Variants in DNAJC15 observed in about 807,000 individuals in gnomAD.
DNAJC15 encodes dnaJ homolog subfamily C member 15.
A neutral mutation model predicts 22.4 loss-of-function variants in DNAJC15; 27 were observed. The observed-to-expected ratio is 1.20, with a 90% CI of 0.89 to 1.66. The LOEUF (loss-of-function observed/expected upper bound fraction) is 1.66. Ranked by LOEUF, DNAJC15 falls within the 40% of genes most tolerant of loss-of-function variation. The pLI is 0.00. For synonymous variants in DNAJC15, 79 were observed against 63.2 expected (o/e 1.25, Z -1.19); for missense variants, 208 against 187.1 (o/e 1.11, Z -0.65).
intron 3 of DNAJC15, among the ~76,000 whole-genome samples, chr13:43,075,620 A>C (rs2040629897): frequency 6.7e-6 from 1 of 148,800 alleles, no homozygotes; most frequent in African/African-American, 2.5e-5. Flanking sequence ...ATCTAGTAAA[A>C]ATTTTGGTTT....
At chr13:43,078,316 G>A (rs1249341312) in intron 3 of DNAJC15, among the ~76,000 whole-genome samples, 1 of 152,110 alleles carries the variant, frequency 6.6e-6, no homozygotes, top group East Asian at 1.9e-4. Context: ...AAGTACTACA[G>A]AGCTTAGAAA....
chr13:43,092,283 A>G lies in DNAJC15; in HGVS notation c.382+6445A>G, dbSNP rs192767402. ...AAAGCCTACCTTATCGAAAATATGT[A>G]TAGCTGTACCACCTTTCCTTTGGTT... On this transcript the variant is annotated intron_variant, in intron 5 of 5. Transcript: ENST00000379221. Among the ~76,000 whole-genome samples the G allele has an allele frequency of 1.2e-4, 18 of 152,248 alleles. 1 individual carries two copies. Among genetic ancestry groups the G allele is most frequent in the Non-Finnish European group, 2.9e-5 (2 of 68,008 alleles).
chr13:43,077,969 A>G (rs1277664912), intron 3 of DNAJC15, among the ~76,000 whole-genome samples: 1 of 152,166 alleles, frequency 6.6e-6, no homozygotes, highest in Non-Finnish European at 1.5e-5. Context: ...TCTATTCTCT[A>G]CATGGCAGTT....
At chr13:43,027,487 A>T (rs1226057141) in intron 1 of DNAJC15, among the ~76,000 whole-genome samples, 1 of 152,212 alleles carries the variant, frequency 6.6e-6, no homozygotes, top group Non-Finnish European at 1.5e-5. Flanking sequence ...AACAATCCTG[A>T]TACGTGAAAA....
At chr13:43,054,885 TCTAA>T (rs1034915609) in intron 1 of DNAJC15, among the ~76,000 whole-genome samples, 2 of 152,030 alleles carry the variant, frequency 1.3e-5, no homozygotes, top group Non-Finnish European at 2.9e-5. Flanking sequence ...AAATCACTTC[TCTAA>T]CTAAACAAGC....
chr13:43,060,903 C>T (rs1157865920), intron 1 of DNAJC15, among the ~76,000 whole-genome samples: 2 of 152,128 alleles, frequency 1.3e-5, no homozygotes, highest in Admixed American at 1.3e-4. Flanking sequence ...AAAGTGTCTA[C>T]CCAGACCAAG....
At chr13:43,076,607 G>T (rs1273550258) in intron 3 of DNAJC15, among the ~76,000 whole-genome samples, 2 of 152,040 alleles carry the variant, frequency 1.3e-5, no homozygotes, top group Non-Finnish European at 2.9e-5. Context: ...CCCTACTTTT[G>T]TAAGGAAATG....
At position 43,044,562 on chromosome 13, in the gene DNAJC15, T is replaced by C. The variant is rs559226422; in HGVS notation, c.108+20828T>C. 2.0e-5 allele frequency among the ~76,000 whole-genome samples: 3 copies of C among 152,306 alleles called. No homozygotes were observed. In the East Asian group the frequency reaches 5.8e-4, roughly 29 times the overall value. ...CTTGACTCTTCTCTTTTCCTTTTAG[T>C]TGCTCAAGACAACTAAAAGGTCCTT... is the stretch of plus-strand genomic sequence containing the variant. On this transcript the variant is annotated intron_variant, in intron 1 of 5. Transcript: ENST00000379221.
chr13:43,111,668 C>A lies in DNAJC15; in HGVS notation c.*4420C>A, dbSNP rs2040825386. ...AGACTGCAGTGAAAAGTTAAATATC[C>A]AAGTACACCAGCCAATTTCACACAG... is the stretch of plus-strand genomic sequence containing the variant. On this transcript the variant is annotated 3_prime_UTR_variant, in exon 6 of 6. Coordinates refer to ENST00000379221, the MANE Select transcript of DNAJC15 (RefSeq NM_013238.3). 1 of 152,118 alleles carries A rather than the reference C, an allele frequency of 6.6e-6. No homozygotes were observed. The highest frequency in any genetic ancestry group is 2.4e-5 in the African/African-American group (1 of 41,416). The allele number at this position is 152,118 out of a possible 1,614,324, so 9.4% of individuals were successfully genotyped here.
chr13:43,048,751 A>G (rs76584716), intron 1 of DNAJC15, among the ~76,000 whole-genome samples: 2,220 of 152,324 alleles, frequency 0.015, 57 homozygotes, highest in African/African-American at 0.048. Context: ...TTTTAAGTAT[A>G]TATGTGCATA....
Position 43,051,028 on chromosome 13 carries a change from G to A in DNAJC15, c.109-14658G>A, listed in dbSNP as rs192039607. Among the ~76,000 whole-genome samples, 943 of 152,262 alleles carry A rather than the reference G, an allele frequency of 6.2e-3. 7 individuals carry two copies. Among genetic ancestry groups the A allele is most frequent in the Middle Eastern group, 0.01 (3 of 294 alleles). On this transcript the variant is annotated intron_variant, in intron 1 of 5. Coordinates refer to ENST00000379221, the MANE Select transcript of DNAJC15 (RefSeq NM_013238.3). Reference sequence around the variant, plus strand: ...TCACTGTTGCCGCCCAGGCTGGAGTGCAATGGCGCAATCTCAGCTCACTGC... The same window carrying A: ...TCACTGTTGCCGCCCAGGCTGGAGTACAATGGCGCAATCTCAGCTCACTGC...
intron 4 of DNAJC15, among the ~76,000 whole-genome samples, chr13:43,083,423 T>C (rs2040673079): frequency 6.6e-6 from 1 of 152,174 alleles, no homozygotes; most frequent in Non-Finnish European, 1.5e-5. Flanking sequence ...CGCCTCAGCC[T>C]CCCAAAGTGC....
intron 1 of DNAJC15, among the ~76,000 whole-genome samples, chr13:43,028,852 G>A (rs538830197): frequency 2.0e-5 from 3 of 152,040 alleles, no homozygotes; most frequent in Non-Finnish European, 4.4e-5. Flanking sequence ...GTTTTATACT[G>A]TGTGTTTCCT....
chr13:43,077,350 T>C (rs2040638356), intron 3 of DNAJC15, among the ~76,000 whole-genome samples: 1 of 152,178 alleles, frequency 6.6e-6, no homozygotes, highest in Non-Finnish European at 1.5e-5. Context: ...AAGAGTGCTC[T>C]TAGCATAAAC....
intron 1 of DNAJC15, among the ~76,000 whole-genome samples, chr13:43,040,009 ACT>A (rs1215810640): frequency 6.7e-6 from 1 of 149,484 alleles, no homozygotes; most frequent in Non-Finnish European, 1.5e-5. Context: ...AAAGAGTGAG[ACT>A]CTGTCTCAAA....
At chr13:43,057,084 C>G (rs1341780139) in intron 1 of DNAJC15, among the ~76,000 whole-genome samples, 1 of 152,074 alleles carries the variant, frequency 6.6e-6, no homozygotes, top group African/African-American at 2.4e-5. Flanking sequence ...GTGTTTGTGC[C>G]TACATGATTT....
intron 3 of DNAJC15, among the ~76,000 whole-genome samples, chr13:43,069,904 TTA>T (rs574938302): frequency 4.1e-4 from 62 of 152,312 alleles, no homozygotes; most frequent in Admixed American, 2.9e-3. Context: ...ACTACCTACT[TTA>T]TATATGTTAT....
intron 1 of DNAJC15, among the ~76,000 whole-genome samples, chr13:43,034,487 T>C (rs1490394086): frequency 6.6e-6 from 1 of 151,678 alleles, no homozygotes; most frequent in Non-Finnish European, 1.5e-5. Context: ...GGCTAATTTT[T>C]TGAATTTTTA....
intron 3 of DNAJC15, among the ~76,000 whole-genome samples, chr13:43,073,240 T>C (rs562422543): frequency 6.6e-6 from 1 of 152,288 alleles, no homozygotes; most frequent in African/African-American, 2.4e-5. Flanking sequence ...ATAACATAGG[T>C]GGGTTTGTTA....
Sources: gnomAD v4.1 joint callset for allele counts (sites outside exome capture counted in the v4.1 genomes callset) on GRCh38, gnomAD v4.1.1 for gene constraint, MANE v1.5 for transcripts, NCBI Gene and HGNC (gene_info 2026-07-23, HGNC 2026-07-21) for gene names.